Variants in LY96 observed in about 807,000 individuals in gnomAD.
The protein encoded by LY96 is myeloid differentiation protein-2.
A neutral mutation model predicts 18.9 loss-of-function variants in LY96; 18 were observed. The ratio of observed to expected loss-of-function variants is 0.95; its 90% CI spans 0.66 to 1.41. The LOEUF is 1.41. LY96 is among the 40% of genes most tolerant of loss of function. LY96 has a pLI of 0.00. For synonymous variants in LY96, 66 were observed against 62.6 expected (o/e 1.06, Z -0.26); for missense variants, 175 against 182.4 (o/e 0.96, Z 0.23).
chr8:74,080,136 C>G, the LY96 span, among the ~76,000 whole-genome samples: 35 of 152,092 alleles, frequency 2.3e-4, no homozygotes, highest in African/African-American at 8.2e-4. Flanking sequence ...GTTCAGGACC[C>G]CTTTATGTGA....
chr8:74,068,655 G>A, the LY96 span, among the ~76,000 whole-genome samples: 6 of 152,112 alleles, frequency 3.9e-5, no homozygotes, highest in African/African-American at 1.4e-4. Flanking sequence ...GGTATGCAGT[G>A]GATGGCATTG....
At chr8:74,037,626 C>G in the LY96 span, among the ~76,000 whole-genome samples, 1 of 152,088 alleles carries the variant, frequency 6.6e-6, no homozygotes, top group Non-Finnish European at 1.5e-5. Flanking sequence ...GAGTGAGACT[C>G]TGTTTCAAAA....
chr8:74,027,126 G>A (rs1040730105), intron 4 of LY96, among the ~76,000 whole-genome samples: 1 of 151,982 alleles, frequency 6.6e-6, no homozygotes, highest in African/African-American at 2.4e-5. Flanking sequence ...TTTTGGAAGA[G>A]ACGCGGTTTC....
rs1563710798 is a variant in LY96 at position 74,002,066 on chromosome 8, C to CTTT, written c.113-2730_113-2729insTTT. Among the ~76,000 whole-genome samples, 6 of 22,526 alleles carry CTTT rather than the reference C, an allele frequency of 2.7e-4. 1 individual carries two copies. The highest frequency in any genetic ancestry group is 1.2e-3 in the African/African-American group (6 of 4,874). 14.8% of individuals were successfully genotyped at this position (22,526 alleles called of 152,430 possible). On this transcript the variant is annotated intron_variant, in intron 1 of 4. Coordinates refer to ENST00000284818, the MANE Select transcript of LY96 (RefSeq NM_015364.5). ...TCCTTCCTTCCTTCCTTCCTTCCTT[C>CTTT]CTTCCTTCCTTTCTTTCTTTCTTTC...
the LY96 span, among the ~76,000 whole-genome samples, chr8:74,074,592 T>C: frequency 6.6e-6 from 1 of 152,194 alleles, no homozygotes; most frequent in Admixed American, 6.5e-5. Context: ...AATTACATGA[T>C]GTTTTTCTTC....
chr8:74,020,197 A>AAAG (rs1382006730), intron 3 of LY96, among the ~76,000 whole-genome samples: 3 of 152,210 alleles, frequency 2.0e-5, no homozygotes. Flanking sequence ...AAATCTCCTT[A>AAAG]AGCTGATAAG....
At chr8:73,994,808 G>A (rs138406670) in intron 1 of LY96, among the ~76,000 whole-genome samples, 20 of 152,220 alleles carry the variant, frequency 1.3e-4, no homozygotes, top group Admixed American at 1.2e-3. Context: ...AATTAGTTCA[G>A]GTGCCATAAC....
chr8:74,081,062 T>TCTCTTTCTC, the LY96 span, among the ~76,000 whole-genome samples: 5 of 125,474 alleles, frequency 4.0e-5, no homozygotes, highest in African/African-American at 1.2e-4. Context: ...CTTTCTTTCT[T>TCTCTTTCTC]TCTTACTTTC....
chr8:74,074,306 T>C, the LY96 span, among the ~76,000 whole-genome samples: 5 of 152,226 alleles, frequency 3.3e-5, no homozygotes, highest in Non-Finnish European at 7.3e-5. Flanking sequence ...AGCATGACCA[T>C]AGTTTTAAAA....
At chr8:74,011,380 A>C (rs1431568157) in intron 3 of LY96, among the ~76,000 whole-genome samples, 2 of 152,224 alleles carry the variant, frequency 1.3e-5, no homozygotes, top group African/African-American at 4.8e-5. Flanking sequence ...AAAGTAGACA[A>C]ATGGGATTTA....
At chr8:74,042,841 A>G in the LY96 span, among the ~76,000 whole-genome samples, 23 of 149,572 alleles carry the variant, frequency 1.5e-4, no homozygotes, top group African/African-American at 5.4e-4. Context: ...CAGTGGCGTG[A>G]GCTCATCTCA....
downstream of LY96, among the ~76,000 whole-genome samples, chr8:74,030,281 G>A (rs1323208760): frequency 6.6e-6 from 1 of 152,196 alleles, no homozygotes; most frequent in Non-Finnish European, 1.5e-5. Flanking sequence ...GGGAGGCTGA[G>A]GCGGGCAGAT....
At chr8:74,072,831 A>G in the LY96 span, among the ~76,000 whole-genome samples, 9 of 152,208 alleles carry the variant, frequency 5.9e-5, no homozygotes, top group Non-Finnish European at 1.3e-4. Flanking sequence ...TCTTCTGAGA[A>G]AGGCCGGGAG....
chr8:74,080,157 C>G, the LY96 span, among the ~76,000 whole-genome samples: 6 of 152,096 alleles, frequency 3.9e-5, no homozygotes, highest in Non-Finnish European at 1.5e-5. Context: ...AAACAAGACC[C>G]CTGGAAGGCA....
chr8:74,018,017 C>T (rs1296541685), intron 3 of LY96, among the ~76,000 whole-genome samples: 1 of 152,096 alleles, frequency 6.6e-6, no homozygotes, highest in Non-Finnish European at 1.5e-5. Flanking sequence ...AACAAGCTAA[C>T]ATCATAATGA....
chr8:74,011,732 G>A (rs942638514), intron 3 of LY96, among the ~76,000 whole-genome samples: 11 of 152,072 alleles, frequency 7.2e-5, no homozygotes, highest in South Asian at 2.1e-4. Context: ...GGTGGCATGC[G>A]CCTGTAGTCC....
At chr8:74,023,610 G>T (rs1490634121) in intron 3 of LY96, among the ~76,000 whole-genome samples, 1 of 152,038 alleles carries the variant, frequency 6.6e-6, no homozygotes, top group Non-Finnish European at 1.5e-5. Flanking sequence ...ACTCACCTAT[G>T]CTGCTTGCTG....
chr8:74,097,051 T>C, the LY96 span, among the ~76,000 whole-genome samples: 1 of 152,206 alleles, frequency 6.6e-6, no homozygotes, highest in Non-Finnish European at 1.5e-5. Context: ...TTTTGTATTC[T>C]GATATTTTTG....
the LY96 span, among the ~76,000 whole-genome samples, chr8:74,084,891 A>C: frequency 2.6e-5 from 4 of 152,240 alleles, no homozygotes; most frequent in Non-Finnish European, 5.9e-5. Context: ...CTGGGATTAC[A>C]GGCGTGAGCC....
Sources: gnomAD v4.1 joint callset for allele counts (sites outside exome capture counted in the v4.1 genomes callset) on GRCh38, gnomAD v4.1.1 for gene constraint, MANE v1.5 for transcripts, NCBI Gene and HGNC (gene_info 2026-07-23, HGNC 2026-07-21) for gene names.